The following FASTKD3 variants were observed in gnomAD, a reference collection of about 807,000 sequenced individuals.
FASTKD3 encodes the protein FAST kinase domains 3.
A neutral mutation model predicts 49.7 loss-of-function variants in FASTKD3; 47 were observed. That is an observed-to-expected ratio of 0.95 (90% CI 0.75 to 1.21). The LOEUF is 1.21. Among genes scored for constraint, FASTKD3 ranks in the 50% most tolerant of loss-of-function variants. FASTKD3 has a pLI of 0.00. For missense variants in FASTKD3, 748 were observed against 765.7 expected (o/e 0.98, Z 0.27); for synonymous variants, 284 against 288.6 (o/e 0.98, Z 0.16).
intron 2 of FASTKD3, among the ~76,000 whole-genome samples, chr5:7,866,328 A>C (rs1281178431): frequency 6.6e-6 from 1 of 150,656 alleles, no homozygotes; most frequent in Admixed American, 6.6e-5. Flanking sequence ...AAAAAAAAAA[A>C]GATACAGTTG....
rs780729020 is a variant in FASTKD3, at chr5:7,861,181, G to A, written c.1852C>T (p.His618Tyr). 6 of 1,611,790 alleles carry A rather than the reference G, an allele frequency of 3.7e-6. No individual in the cohort carries two copies. The Admixed American group carries it at 8.3e-5, about 22-fold the overall frequency. Reference protein sequence around the residue: ...LLGKEAIKQRHLQLLGYQVVQ... With the variant: ...LLGKEAIKQRYLQLLGYQVVQ... ...ACTTGATAACCGAGTAACTGTAGGT[G>A]TCTTTGTTTAATAGCTTCTTTCCCC... Residue 618 changes from histidine (H) to tyrosine (Y), a missense_variant, in exon 6 of 7, where the codon CAC becomes TAC. Transcript: ENST00000264669.
In FASTKD3 at chr5:7,865,888, A is replaced by C; in HGVS notation, c.1524+10T>G. On this transcript the variant is annotated intron_variant, in intron 3 of 6. Transcript: ENST00000264669. ...GGGGAAATAAAGCCACATATAGTTCATGCTTTTACCTTATAGAAAGGGCAT... is the reference window on the plus strand; with the variant it reads ...GGGGAAATAAAGCCACATATAGTTCCTGCTTTTACCTTATAGAAAGGGCAT... The C allele has an allele frequency of 6.2e-7, 1 of 1,609,068 alleles. No homozygotes were observed. Among genetic ancestry groups the C allele is most frequent in the Non-Finnish European group, 8.5e-7 (1 of 1,175,392 alleles).
At chr5:7,859,576 T>A in intron 6 of FASTKD3, 37 bp from the exon 7 acceptor site, 1 of 1,350,932 alleles carries the variant, frequency 7.4e-7, no homozygotes, top group Non-Finnish European at 1.0e-6. Context: ...TCAAGATCCT[T>A]CAAAATCTGA....
rs1747072571 is a variant in FASTKD3 at position 7,867,525 on chromosome 5, G to A, written c.559C>T (p.Leu187=). The A allele has an allele frequency of 1.2e-6, 2 of 1,614,268 alleles. No homozygotes were observed. Among genetic ancestry groups the A allele is most frequent in the Non-Finnish European group, 1.7e-6 (2 of 1,180,050 alleles). The change falls in exon 2 of 7, where the codon CTG becomes TTG. Residue 187 remains leucine, a synonymous_variant. Transcript: ENST00000264669. ...CTACTTTGAGGATCCACATGCAACA[G>A]AATCAGAGCTTGCAAAGCAGTCACT... is the stretch of plus-strand genomic sequence containing the variant. ...SLVTALQALI[L]LHVDPQSSLL...
chr5:7,861,213 T>C lies in FASTKD3; in HGVS notation c.1820A>G (p.His607Arg), dbSNP rs776829905. Residue 607 changes from histidine (H) to arginine (R), a missense_variant, in exon 6 of 7, where the codon CAC (histidine) becomes CGC (arginine). By Grantham distance (29) the His-to-Arg change is conservative. This residue lies in a region of FASTKD3 where 178 missense variants were observed against 182.2 expected (regional missense o/e 0.98). Coordinates refer to ENST00000264669, the MANE Select transcript of FASTKD3 (RefSeq NM_024091.4). ...TTTAATAGCTTCTTTCCCCAGTAAG[T>C]GTTTGCTATTGGAGCAAAACCTTTT... ...GPKRFCSNSKHLLGKEAIKQR... is the reference protein window; with the variant it reads ...GPKRFCSNSKRLLGKEAIKQR... The C allele has an allele frequency of 4.3e-6, 7 of 1,612,664 alleles. No individual in the cohort carries two copies. Among genetic ancestry groups the C allele is most frequent in the Non-Finnish European group, 5.1e-6 (6 of 1,179,118 alleles).
In FASTKD3 at chr5:7,868,214, A is replaced by G. The variant is rs1223832726; in HGVS notation, c.-113-18T>C. On this transcript the variant is annotated intron_variant, in intron 1 of 6. Transcript: ENST00000264669. ...ACGAGTATCTGGAAAAAAAAAAAAAAAAAAAAAAAGGATGGTTAACATATA... is the reference window on the plus strand; with the variant it reads ...ACGAGTATCTGGAAAAAAAAAAAAAGAAAAAAAAAGGATGGTTAACATATA... 3.1e-6 allele frequency: 2 copies of G among 637,132 alleles called. No homozygotes were observed. The highest frequency in any genetic ancestry group is 5.7e-5 in the East Asian group (2 of 34,792). 39.5% of individuals were successfully genotyped at this position (637,132 alleles called of 1,614,324 possible). A position where few individuals can be genotyped will look rare whatever the true frequency, so the allele number is the denominator to read the frequency against.
intron 1 of FASTKD3, 148 bp downstream of exon 1, chr5:7,868,831 G>C (rs533072967): frequency 5.8e-6 from 3 of 515,728 alleles, no homozygotes; most frequent in Non-Finnish European, 7.1e-6. Flanking sequence ...AGGAATGAAA[G>C]GGACCCGCGG....
At chr5:7,866,544 A>C in intron 2 of FASTKD3, 102 bp downstream of exon 2, 1 of 858,646 alleles carries the variant, frequency 1.2e-6, no homozygotes, top group Non-Finnish European at 1.8e-6. Context: ...ATCACTATGG[A>C]AGAAAAACTA....
chr5:7,868,974 C>T lies in FASTKD3; in HGVS notation c.-114+5G>A. On this transcript the variant is annotated splice_donor_5th_base_variant and intron_variant, in intron 1 of 6. Transcript: ENST00000264669. ...ACTGCGCGGAGACCCCGCGTTGACA[C>T]CTACCGCGCTCTGCCGGGCAATCAC... 1 of 825,212 alleles carries T rather than the reference C, an allele frequency of 1.2e-6. No homozygotes were observed. The highest frequency in any genetic ancestry group is 2.5e-5 in the East Asian group (1 of 39,958). 51.1% of individuals were successfully genotyped at this position (825,212 alleles called of 1,614,324 possible).
In FASTKD3 at chr5:7,862,838, A is replaced by T; in HGVS notation, c.1684T>A (p.Tyr562Asn). The change falls in exon 4 of 7, where the codon TAT becomes AAT. Residue 562 changes from tyrosine to asparagine, a missense_variant. By Grantham distance (143) the Tyr-to-Asn change is moderately radical. Transcript: ENST00000264669. The stretch of plus-strand genomic sequence containing the variant: ...TACTACTTACCTATTGTATAACAAT[A>T]GGGTGTCAACACTTTTGGAGCAAAA... ...LYFAPKVLTP[Y>N]CYTIDVEIKL... is the part of the protein sequence containing the mutation. The T allele has an allele frequency of 6.2e-7, 1 of 1,612,950 alleles. No individual in the cohort carries two copies. The highest frequency in any genetic ancestry group is 1.1e-5 in the South Asian group (1 of 90,888).
chr5:7,863,138 C>T (rs1746675777), intron 3 of FASTKD3, 141 bp from the exon 4 acceptor site: 1 of 718,782 alleles, frequency 1.4e-6, no homozygotes, highest in South Asian at 1.6e-5. Context: ...GGACAGGCAT[C>T]TCTCTCAAAA....
Position 7,859,281 on chromosome 5 carries a change from A to G in FASTKD3, c.*154T>C. The G allele has an allele frequency of 2.4e-6, 1 of 419,412 alleles. No homozygotes were observed. The highest frequency in any genetic ancestry group is 4.2e-6 in the Non-Finnish European group (1 of 236,266). 26.0% of individuals were successfully genotyped at this position (419,412 alleles called of 1,614,324 possible). On this transcript the variant is annotated 3_prime_UTR_variant, in exon 7 of 7. Transcript: ENST00000264669. Reference sequence around the variant, plus strand: ...TTAATTTTAAATTTTACCACAATAAATGTATACATAGTATAAGGAAAACTA... The same window carrying G: ...TTAATTTTAAATTTTACCACAATAAGTGTATACATAGTATAAGGAAAACTA...
rs17184211 is a variant in FASTKD3 at position 7,865,993 on chromosome 5, A to T, written c.1439-10T>A. On this transcript the variant is annotated splice_polypyrimidine_tract_variant and intron_variant, in intron 2 of 6. Coordinates refer to ENST00000264669, the MANE Select transcript of FASTKD3 (RefSeq NM_024091.4). Reference sequence around the variant, plus strand: ...AAATGAGATTCTTTACCTGAAACAGAAAGCATCCCAGTCATAGTTACGTCT... The same window carrying T: ...AAATGAGATTCTTTACCTGAAACAGTAAGCATCCCAGTCATAGTTACGTCT... 292,737 of 1,607,630 alleles carry T rather than the reference A, an allele frequency of 0.18. 29,745 individuals carry two copies. Among genetic ancestry groups the T allele is most frequent in the Non-Finnish European group, 0.21 (247,046 of 1,174,870 alleles).
rs1313797401 is a variant in FASTKD3, at chr5:7,859,493, A to C, written c.1931T>G (p.Val644Gly). ...IGMLKSRREL[V>G]EYLQRKLFSQ... ...AAACAGTTTTCTTTGTAAATATTCC[A>C]CCAATTCACGTCTTGATTTTAGCAT... Residue 644 changes from valine (V) to glycine (G), a missense_variant, in exon 7 of 7, where the codon GTG becomes GGG. Transcript: ENST00000264669. 1 of 1,606,830 alleles carries C rather than the reference A, an allele frequency of 6.2e-7. No individual in the cohort carries two copies. Among genetic ancestry groups the C allele is most frequent in the Non-Finnish European group, 8.5e-7 (1 of 1,176,628 alleles).
Position 7,862,981 on chromosome 5 carries a change from G to C in FASTKD3, c.1541C>G (p.Pro514Arg). 1 of 1,613,628 alleles carries C rather than the reference G, an allele frequency of 6.2e-7. No homozygotes were observed. Among genetic ancestry groups the C allele is most frequent in the Non-Finnish European group, 8.5e-7 (1 of 1,179,794 alleles). Residue 514 changes from proline (P) to arginine (R), a missense_variant, in exon 4 of 7, where the codon CCT (proline) becomes CGT (arginine). Pro to Arg is a moderately radical substitution (Grantham distance 103). Around this residue, in one of 3 missense-constraint regions of FASTKD3, gnomAD observed 178 missense variants for 182.2 expected, o/e 0.98. Transcript: ENST00000264669. ...CPFYKGPKLL[P>R]KYQVKSFLTP... ...AAGAAATGACTTCACTTGATATTTA[G>C]GAAGGAGTTTTGGACCCTAAAAAAT...
intron 2 of FASTKD3, 101 bp downstream of exon 2, chr5:7,866,545 A>AG: frequency 1.1e-6 from 1 of 878,018 alleles, no homozygotes; most frequent in Admixed American, 2.4e-5. Context: ...TCACTATGGA[A>AG]GAAAAACTAA....
chr5:7,861,456 A>G, intron 5 of FASTKD3, 127 bp downstream of exon 5: 1 of 674,286 alleles, frequency 1.5e-6, no homozygotes, highest in Non-Finnish European at 2.3e-6. Flanking sequence ...CCAACATGGT[A>G]TTCTGAAATG....
Position 7,861,158 on chromosome 5 carries a change from T to G in FASTKD3, c.1875A>C (p.Gln625His). ...KQRHLQLLGY[Q>H]VVQIPYHEIG... ...ATAGGTGAAACCGTACCTGAACAACTTGATAACCGAGTAACTGTAGGTGTC... is the reference window on the plus strand; with the variant it reads ...ATAGGTGAAACCGTACCTGAACAACGTGATAACCGAGTAACTGTAGGTGTC... Residue 625 changes from glutamine (Q) to histidine (H), a missense_variant, in exon 6 of 7, where the codon CAA becomes CAC. Around this residue, in one of 3 missense-constraint regions of FASTKD3, gnomAD observed 178 missense variants for 182.2 expected, o/e 0.98. Coordinates refer to ENST00000264669, the MANE Select transcript of FASTKD3 (RefSeq NM_024091.4). 6.2e-7 allele frequency: 1 copy of G among 1,600,196 alleles called. No homozygotes were observed. The highest frequency in any genetic ancestry group is 8.5e-7 in the Non-Finnish European group (1 of 1,170,034).
rs749876184 is a variant in FASTKD3 at position 7,867,953 on chromosome 5, C to T, written c.131G>A (p.Trp44Ter). Residue 44 changes from tryptophan to a stop codon, truncating the protein, a stop_gained, in exon 2 of 7, where the codon TGG becomes TAG. Transcript: ENST00000264669. LOFTEE classifies it high-confidence loss of function. ...HKVVKERLCP[W>*]LCSRQPEPFG... ...AGGCTCAGGTTGTCGTGAACACAAC[C>T]AAGGGCACAGACGCTCCTTGACTAC... 1.2e-6 allele frequency: 2 copies of T among 1,614,070 alleles called. No homozygotes were observed. Among genetic ancestry groups the T allele is most frequent in the Non-Finnish European group, 1.7e-6 (2 of 1,180,006 alleles).
Sources: allele counts gnomAD v4.1 joint callset (sites outside exome capture counted in the v4.1 genomes callset), GRCh38; gene constraint gnomAD v4.1.1; regional missense constraint gnomAD v4.1.1; transcripts MANE v1.5; gene names NCBI Gene and HGNC (gene_info 2026-07-23, HGNC 2026-07-21).